The following SKOR1 variants were observed in gnomAD, a reference collection of about 807,000 sequenced individuals.
SKOR1 encodes SKI family transcriptional corepressor 1.
Under a neutral mutation model 72.4 loss-of-function variants are expected in SKOR1, and 38 were observed. The ratio of observed to expected loss-of-function variants is 0.52; its 90% CI spans 0.40 to 0.69. SKOR1 has a LOEUF of 0.69. Ranked by LOEUF, SKOR1 falls within the 30% of genes least tolerant of loss-of-function variation. The probability of loss-of-function intolerance (pLI) is 0.00; values close to 1 mark genes in which losing one functional copy is unlikely to be tolerated. For synonymous variants in SKOR1, 642 were observed against 599.4 expected, an observed-to-expected ratio of 1.07 and a Z score of -1.04; for missense variants, 1,320 against 1,343.2, an observed-to-expected ratio of 0.98 and a Z score of 0.27.
chr15:67,831,923 C>CGGGGGGGGGGGGGGGGG (rs2091011584), intron 5 of SKOR1, among the ~76,000 whole-genome samples: 1 of 13,650 alleles, frequency 7.3e-5, no homozygotes, highest in Non-Finnish European at 1.3e-4. Flanking sequence ...AGGTCGGGGC[C>CGGGGGGGGGGGGGGGGG]GGGGCGGGGG....
In SKOR1 at chr15:67,830,090, C is replaced by T. The variant is rs940526035; in HGVS notation, c.2408-101C>T. On this transcript the variant is annotated intron_variant, in intron 3 of 8. Coordinates refer to ENST00000380035, the MANE Select transcript of SKOR1 (RefSeq NM_001365915.1). The stretch of plus-strand genomic sequence containing the variant: ...AGCCGGGAACCAGAGGCGGCCACGA[C>T]GCTTTTAATTAGGGCTGGGGCGCCC... The T allele has an allele frequency of 4.9e-6, 6 of 1,213,508 alleles. No homozygotes were observed. In the Admixed American group the frequency reaches 9.3e-5, roughly 19 times the overall value. The allele number at this position is 1,213,508 out of a possible 1,614,324, so 75.2% of individuals were successfully genotyped here.
At position 67,834,091 on chromosome 15, in the gene SKOR1, T is replaced by A. The variant is rs948839334; in HGVS notation, c.*255T>A. ...AAATCCCCCTACCCCGTGTGAACTCTAGGGCATCGGACCTCAAGGGGTTAA... is the reference window on the plus strand; with the variant it reads ...AAATCCCCCTACCCCGTGTGAACTCAAGGGCATCGGACCTCAAGGGGTTAA... On this transcript the variant is annotated 3_prime_UTR_variant, in exon 9 of 9. Coordinates refer to ENST00000380035, the MANE Select transcript of SKOR1 (RefSeq NM_001365915.1). This position sits in a 1 kb window ranked among gnomAD's most constrained non-coding sequence, Gnocchi z 5.8. The A allele has an allele frequency of 1.9e-6, 1 of 534,996 alleles. No homozygotes were observed. Among genetic ancestry groups the A allele is most frequent in the African/African-American group, 1.9e-5 (1 of 52,308 alleles). The allele number at this position is 534,996 out of a possible 1,614,324, so 33.1% of individuals were successfully genotyped here.
intron 2 of SKOR1, among the ~76,000 whole-genome samples, chr15:67,828,383 G>A (rs2090982429): frequency 6.6e-6 from 1 of 152,238 alleles, no homozygotes; most frequent in African/African-American, 2.4e-5. Flanking sequence ...GGGAACTTGT[G>A]TGCTTTGTTT....
Position 67,826,546 on chromosome 15 carries a change from G to A in SKOR1, c.718G>A (p.Ala240Thr). 1 of 1,613,864 alleles carries A rather than the reference G, an allele frequency of 6.2e-7. No homozygotes were observed. Among genetic ancestry groups the A allele is most frequent in the Non-Finnish European group, 8.5e-7 (1 of 1,179,828 alleles). Reference sequence around the variant, plus strand: ...CGCCAAGTACACGCAGCCCGATGCCGCCAACTTCAACTCCTGGCGTCGTCA... The same window carrying A: ...CGCCAAGTACACGCAGCCCGATGCCACCAACTTCAACTCCTGGCGTCGTCA... Reference protein sequence around the residue: ...PDAKYTQPDAANFNSWRRHLK... With the variant: ...PDAKYTQPDATNFNSWRRHLK... Residue 240 changes from alanine (A) to threonine (T), a missense_variant, in exon 2 of 9, where the codon GCC (alanine) becomes ACC (threonine). Around this residue, in one of 3 missense-constraint regions of SKOR1, gnomAD observed 101 missense variants for 212.8 expected, o/e 0.47. Transcript: ENST00000380035.
Position 67,827,045 on chromosome 15 carries a change from G to A in SKOR1, c.1217G>A (p.Cys406Tyr), listed in dbSNP as rs759166144. 1 of 1,561,254 alleles carries A rather than the reference G, an allele frequency of 6.4e-7. No homozygotes were observed. Among genetic ancestry groups the A allele is most frequent in the South Asian group, 1.1e-5 (1 of 87,998 alleles). The change falls in exon 2 of 9, where the codon TGC (cysteine) becomes TAC (tyrosine). Residue 406 changes from cysteine (C) to tyrosine (Y), a missense_variant. Physicochemically the swap from Cys to Tyr is radical, Grantham distance 194. Around this residue, in one of 3 missense-constraint regions of SKOR1, gnomAD observed 1,099 missense variants for 1,025.5 expected, o/e 1.07. Coordinates refer to ENST00000380035, the MANE Select transcript of SKOR1 (RefSeq NM_001365915.1). ...GGCTTCCCTACGGCCTTCGGCCTAT[G>A]CCCCAAAAAGGACGACCCGGTTTTA... The part of the protein sequence containing the change: ...PYGFPTAFGL[C>Y]PKKDDPVLGA...
intron 2 of SKOR1, 50 bp downstream of exon 2, chr15:67,828,194 C>T: frequency 7.2e-7 from 1 of 1,380,276 alleles, no homozygotes; most frequent in Non-Finnish European, 9.3e-7. Context: ...CTACCCTGTG[C>T]GCGGCAGGGC....
chr15:67,832,713 G>A lies in SKOR1; in HGVS notation c.2737+32G>A. 6.3e-7 allele frequency: 1 copy of A among 1,578,720 alleles called. No homozygotes were observed. The highest frequency in any genetic ancestry group is 8.7e-7 in the Non-Finnish European group (1 of 1,148,224). On this transcript the variant is annotated intron_variant, in intron 7 of 8. Transcript: ENST00000380035. This position sits in a 1 kb window ranked among gnomAD's most constrained non-coding sequence, Gnocchi z 4.5. ...CGGGAGTCAGGTGAGCTCGTGCACG[G>A]GCCGTAACTGCCTCTCGTCTGGCAG...
At position 67,833,818 on chromosome 15, in the gene SKOR1, G is replaced by A; in HGVS notation, c.2880G>A (p.Lys960=). Residue 960 remains lysine (K), a synonymous_variant, in exon 9 of 9, where the codon AAG becomes AAA. Coordinates refer to ENST00000380035, the MANE Select transcript of SKOR1 (RefSeq NM_001365915.1). This position sits in a 1 kb window ranked among gnomAD's most constrained non-coding sequence, Gnocchi z 6.0. ...PRHCTGNCSF[K]PPLLP is the part of the protein sequence containing the mutation. ...ACTGCACTGGCAACTGCTCCTTCAA[G>A]CCACCGCTGTTGCCCTAGGGCCGGC... 6.2e-7 allele frequency: 1 copy of A among 1,611,494 alleles called. No individual in the cohort carries two copies. The highest frequency in any genetic ancestry group is 1.7e-5 in the Admixed American group (1 of 60,032).
Position 67,828,124 on chromosome 15 carries a change from G to T in SKOR1, c.2296G>T (p.Gly766Ter). The T allele has an allele frequency of 6.7e-7, 1 of 1,499,354 alleles. No homozygotes were observed. The highest frequency in any genetic ancestry group is 8.8e-7 in the Non-Finnish European group (1 of 1,132,026). 92.9% of individuals were successfully genotyped at this position (1,499,354 alleles called of 1,614,324 possible). A position where few individuals can be genotyped will look rare whatever the true frequency, so the allele number is the denominator to read the frequency against. The change falls in exon 2 of 9, where the codon GGA becomes TGA. Residue 766 changes from glycine (G) to a stop codon, truncating the protein, a stop_gained. Transcript: ENST00000380035. LOFTEE classifies it high-confidence loss of function. The stretch of plus-strand genomic sequence containing the variant: ...GCTGCGAGAGCCTTGCGGGCCCCTA[G>T]GAGGCCCCGCGCCGGCCAAGGTGAG... ...YELREPCGPL[G>*]GPAPAKVFAP... is the part of the protein sequence containing the mutation.
chr15:67,825,573 T>G lies in SKOR1; in HGVS notation c.-30T>G, dbSNP rs1484095784. 3 of 727,996 alleles carry G rather than the reference T, an allele frequency of 4.1e-6. No homozygotes were observed. The highest frequency in any genetic ancestry group is 5.3e-5 in the East Asian group (2 of 37,800). 45.1% of individuals were successfully genotyped at this position (727,996 alleles called of 1,614,324 possible). A position where few individuals can be genotyped will look rare whatever the true frequency, so the allele number is the denominator to read the frequency against. On this transcript the variant is annotated 5_prime_UTR_variant, in exon 1 of 9. Coordinates refer to ENST00000380035, the MANE Select transcript of SKOR1 (RefSeq NM_001365915.1). This position sits in a 1 kb window ranked among gnomAD's most constrained non-coding sequence, Gnocchi z 5.6. Reference sequence around the variant, plus strand: ...GCGAGGGTTGCCGAAGGCGCACGGATCTGGGCGCTGAAAAAGCCAGGATTT... The same window carrying G: ...GCGAGGGTTGCCGAAGGCGCACGGAGCTGGGCGCTGAAAAAGCCAGGATTT...
chr15:67,828,090 C>T lies in SKOR1; in HGVS notation c.2262C>T (p.Gly754=), dbSNP rs1199397210. ...RPERSPPSGG[G]GYELREPCGP... ...AGAGGAGCCCGCCAAGCGGCGGCGG[C>T]GGCTACGAGCTGCGAGAGCCTTGCG... is the stretch of plus-strand genomic sequence containing the variant. The change falls in exon 2 of 9, where the codon GGC becomes GGT. Residue 754 remains glycine, a synonymous_variant. Transcript: ENST00000380035. 2.0e-6 allele frequency: 3 copies of T among 1,522,970 alleles called. No individual in the cohort carries two copies. The highest frequency in any genetic ancestry group is 5.2e-5 in the East Asian group (2 of 38,832). 94.3% of individuals were successfully genotyped at this position (1,522,970 alleles called of 1,614,324 possible). A position where few individuals can be genotyped will look rare whatever the true frequency, so the allele number is the denominator to read the frequency against.
intron 3 of SKOR1, 131 bp from the exon 4 acceptor site, chr15:67,830,060 C>A (rs1436114354): frequency 3.4e-6 from 3 of 884,806 alleles, no homozygotes; most frequent in South Asian, 1.6e-5. Context: ...CGCTCCTGGG[C>A]GCACAGCCGG....
At position 67,827,528 on chromosome 15, in the gene SKOR1, C is replaced by A. The variant is rs1283803696; in HGVS notation, c.1700C>A (p.Thr567Lys). Reference protein sequence around the residue: ...LSRGPLDEDGTDEALPPPLAP... With the variant: ...LSRGPLDEDGKDEALPPPLAP... ...CGCGGGCCCCTGGACGAAGACGGCA[C>A]GGACGAGGCGCTGCCACCGCCCCTG... The change falls in exon 2 of 9, where the codon ACG (threonine) becomes AAG (lysine). Residue 567 changes from threonine (T) to lysine (K), a missense_variant. Around this residue, in one of 3 missense-constraint regions of SKOR1, gnomAD observed 1,099 missense variants for 1,025.5 expected, o/e 1.07. Coordinates refer to ENST00000380035, the MANE Select transcript of SKOR1 (RefSeq NM_001365915.1). The A allele has an allele frequency of 4.6e-6, 7 of 1,521,774 alleles. No individual in the cohort carries two copies. The Admixed American group carries it at 1.4e-4, about 31-fold the overall frequency. The allele number at this position is 1,521,774 out of a possible 1,614,324, so 94.3% of individuals were successfully genotyped here.
In SKOR1 at chr15:67,834,027, C is replaced by T. The variant is rs2141371392; in HGVS notation, c.*191C>T. 6.2e-6 allele frequency: 4 copies of T among 645,510 alleles called. No individual in the cohort carries two copies. The highest frequency in any genetic ancestry group is 2.8e-5 in the East Asian group (1 of 36,340). The allele number at this position is 645,510 out of a possible 1,614,324, so 40.0% of individuals were successfully genotyped here. The stretch of plus-strand genomic sequence containing the variant: ...CTCCCGGGCGTCCCTGTCCAGGGCC[C>T]CGGCTTGGTTTCCAAGTGTAAATAC... On this transcript the variant is annotated 3_prime_UTR_variant, in exon 9 of 9. Transcript: ENST00000380035. The surrounding 1 kb of genome is among the most constrained non-coding windows in gnomAD (Gnocchi z 5.8).
In SKOR1 at chr15:67,828,088, G is replaced by A. The variant is rs552867831; in HGVS notation, c.2260G>A (p.Gly754Ser). The part of the protein sequence containing the change: ...RPERSPPSGG[G>S]GYELREPCGP... ...TGAGAGGAGCCCGCCAAGCGGCGGC[G>A]GCGGCTACGAGCTGCGAGAGCCTTG... Residue 754 changes from glycine (G) to serine (S), a missense_variant, in exon 2 of 9, where the codon GGC becomes AGC. Around this residue, in one of 3 missense-constraint regions of SKOR1, gnomAD observed 1,099 missense variants for 1,025.5 expected, o/e 1.07. Transcript: ENST00000380035. The A allele has an allele frequency of 2.6e-6, 4 of 1,524,638 alleles. No homozygotes were observed. The highest frequency in any genetic ancestry group is 2.4e-5 in the South Asian group (2 of 82,364). 94.4% of individuals were successfully genotyped at this position (1,524,638 alleles called of 1,614,324 possible). A position where few individuals can be genotyped will look rare whatever the true frequency, so the allele number is the denominator to read the frequency against.
chr15:67,826,932 C>T lies in SKOR1; in HGVS notation c.1104C>T (p.Gly368=), dbSNP rs1047783569. Residue 368 remains glycine (G), a synonymous_variant, in exon 2 of 9, where the codon GGC becomes GGT. Transcript: ENST00000380035. ...AGPGGPGGGA[G]VRSYPVIPVP... ...CAGGAGGGCCCGGTGGCGGCGCCGGCGTACGAAGCTACCCGGTGATCCCGG... is the reference window on the plus strand; with the variant it reads ...CAGGAGGGCCCGGTGGCGGCGCCGGTGTACGAAGCTACCCGGTGATCCCGG... 1.9e-6 allele frequency: 3 copies of T among 1,578,160 alleles called. No individual in the cohort carries two copies. Among genetic ancestry groups the T allele is most frequent in the Non-Finnish European group, 2.6e-6 (3 of 1,170,574 alleles).
chr15:67,826,989 G>T lies in SKOR1; in HGVS notation c.1161G>T (p.Lys387Asn). 6.3e-7 allele frequency: 1 copy of T among 1,596,332 alleles called. No individual in the cohort carries two copies. Among genetic ancestry groups the T allele is most frequent in the Non-Finnish European group, 8.5e-7 (1 of 1,178,818 alleles). Residue 387 changes from lysine (K) to asparagine (N), a missense_variant, in exon 2 of 9, where the codon AAG (lysine) becomes AAT (asparagine). Lys to Asn is a moderately conservative substitution (Grantham distance 94). Transcript: ENST00000380035. Reference protein sequence around the residue: ...VPSKGFGLLQKLPPPLFPHPY... With the variant: ...VPSKGFGLLQNLPPPLFPHPY... ...GCAAAGGCTTTGGGCTCCTGCAAAA[G>T]CTGCCCCCACCACTTTTCCCCCATC...
rs967762908 is a variant in SKOR1 at position 67,832,531 on chromosome 15, G to A, written c.2663-76G>A. The A allele has an allele frequency of 1.4e-6, 2 of 1,432,424 alleles. No homozygotes were observed. Among genetic ancestry groups the A allele is most frequent in the Non-Finnish European group, 2.0e-6 (2 of 1,024,224 alleles). 88.7% of individuals were successfully genotyped at this position (1,432,424 alleles called of 1,614,324 possible). The stretch of plus-strand genomic sequence containing the variant: ...TGGGAGTTGGGGGTAGGGGTGAAAG[G>A]GGGGGCCAGGAGTGAGAAAGTGGAG... On this transcript the variant is annotated intron_variant, in intron 6 of 8. Coordinates refer to ENST00000380035, the MANE Select transcript of SKOR1 (RefSeq NM_001365915.1). The surrounding 1 kb of genome is among the most constrained non-coding windows in gnomAD (Gnocchi z 4.5).
chr15:67,832,569 G>A lies in SKOR1; in HGVS notation c.2663-38G>A. ...TGAGAAAGTGGAGCCGGGAGAGGGG[G>A]CTGTGCGTAACAGCTCTCACTTAAT... On this transcript the variant is annotated intron_variant, in intron 6 of 8. Coordinates refer to ENST00000380035, the MANE Select transcript of SKOR1 (RefSeq NM_001365915.1). This position sits in a 1 kb window ranked among gnomAD's most constrained non-coding sequence, Gnocchi z 4.5. 1 of 1,570,152 alleles carries A rather than the reference G, an allele frequency of 6.4e-7. No individual in the cohort carries two copies. Among genetic ancestry groups the A allele is most frequent in the Non-Finnish European group, 8.8e-7 (1 of 1,141,496 alleles).
Sources: allele counts gnomAD v4.1 joint callset (sites outside exome capture counted in the v4.1 genomes callset), GRCh38; gene constraint gnomAD v4.1.1; regional missense constraint gnomAD v4.1.1; non-coding constraint Gnocchi (gnomAD v3.1); transcripts MANE v1.5; gene names NCBI Gene and HGNC (gene_info 2026-07-23, HGNC 2026-07-21).